The following MRPL49 variants were observed in gnomAD, a reference collection of about 807,000 sequenced individuals.
The protein encoded by MRPL49 is mitochondrial ribosomal protein L49.
Under a neutral mutation model 18.4 loss-of-function variants are expected in MRPL49, and 14 were observed. The ratio of observed to expected loss-of-function variants is 0.76; its 90% CI spans 0.50 to 1.19. The LOEUF is 1.19. Among genes scored for constraint, MRPL49 ranks in the 50% most tolerant of loss-of-function variants. The pLI is 0.00. For synonymous variants in MRPL49, 104 were observed against 86.2 expected (o/e 1.21, Z -1.14); for missense variants, 190 against 217.8 (o/e 0.87, Z 0.80).
chr11:65,122,316 C>G (rs752039467), upstream of MRPL49: 8 of 1,606,518 alleles, frequency 5.0e-6, no homozygotes, highest in South Asian at 2.2e-5. Flanking sequence ...CAGACAGTTG[C>G]GCGCACAGAA....
chr11:65,122,404 G>C lies in MRPL49; in HGVS notation c.58G>C (p.Gly20Arg). 6.2e-7 allele frequency: 1 copy of C among 1,613,094 alleles called. No homozygotes were observed. The highest frequency in any genetic ancestry group is 8.5e-7 in the Non-Finnish European group (1 of 1,179,628). Residue 20 changes from glycine (G) to arginine (R), a missense_variant, in exon 1 of 4, where the codon GGC becomes CGC. Physicochemically the swap from Gly to Arg is moderately radical, Grantham distance 125. Coordinates refer to ENST00000279242, the MANE Select transcript of MRPL49 (RefSeq NM_004927.4). ...GGGATGGAGAACCGGTGTCCAGCGG[G>C]GCTGCGGGCTACGGCTGTTGGTGAG... is the stretch of plus-strand genomic sequence containing the variant. ...LRGWRTGVQRGCGLRLLSQTQ... is the reference protein window; with the variant it reads ...LRGWRTGVQRRCGLRLLSQTQ...
chr11:65,125,472 T>C lies in MRPL49; in HGVS notation c.230-16T>C. 1 of 1,613,272 alleles carries C rather than the reference T, an allele frequency of 6.2e-7. No individual in the cohort carries two copies. Among genetic ancestry groups the C allele is most frequent in the Non-Finnish European group, 8.5e-7 (1 of 1,179,688 alleles). On this transcript the variant is annotated splice_polypyrimidine_tract_variant and intron_variant, in intron 2 of 3. Coordinates refer to ENST00000279242, the MANE Select transcript of MRPL49 (RefSeq NM_004927.4). ...CGTAGGAAGAGTTGATTTAACAGTG[T>C]CTTTCCCTGTTGCAGACCCCCCACC...
At chr11:65,124,875 C>A in intron 2 of MRPL49, 1 of 468,504 alleles carries the variant, frequency 2.1e-6, no homozygotes, top group South Asian at 4.3e-5. Flanking sequence ...CAGGTCTTCC[C>A]CATATGGGGG....
At position 65,124,617 on chromosome 11, in the gene MRPL49, A is replaced by AT; in HGVS notation, c.196dup (p.Tyr66LeufsTer5). The AT allele has an allele frequency of 6.2e-7, 1 of 1,614,168 alleles. No individual in the cohort carries two copies. The highest frequency in any genetic ancestry group is 8.5e-7 in the Non-Finnish European group (1 of 1,180,030). ...ATCCCAGATCCCCCAAAGCATGAAC[A>AT]TTATCCTACCCCTAGTGGCTGGCAG... On this transcript the variant is annotated frameshift_variant, in exon 2 of 4. Transcript: ENST00000279242. LOFTEE classifies it high-confidence loss of function.
intron 2 of MRPL49, 40 bp from the exon 3 acceptor site, chr11:65,125,448 G>T: frequency 6.2e-7 from 1 of 1,611,616 alleles, no homozygotes; most frequent in South Asian, 1.1e-5. Context: ...GGGATGGCAC[G>T]TAGGAAGAGT....
intron 2 of MRPL49, chr11:65,124,893 A>G (rs1948085745): frequency 9.3e-6 from 4 of 429,546 alleles, no homozygotes; most frequent in Admixed American, 4.0e-5. Flanking sequence ...GGGAAAGTAA[A>G]CAACAGAGAG....
In MRPL49 at chr11:65,126,061, T is replaced by C; in HGVS notation, c.*189T>C. 5.0e-6 allele frequency: 3 copies of C among 600,368 alleles called. No homozygotes were observed. The South Asian group carries it at 7.7e-5, about 15-fold the overall frequency. 37.2% of individuals were successfully genotyped at this position (600,368 alleles called of 1,614,324 possible). On this transcript the variant is annotated 3_prime_UTR_variant, in exon 4 of 4. Coordinates refer to ENST00000279242, the MANE Select transcript of MRPL49 (RefSeq NM_004927.4). ...TATGTACATGCTGGGGGAGAGTGCC[T>C]AATGTGGGAGACCAAATAGGGATCA...
chr11:65,127,123 CT>C lies in MRPL49; in HGVS notation c.*1253del. 1.5e-6 allele frequency: 1 copy of C among 689,124 alleles called. No individual in the cohort carries two copies. The highest frequency in any genetic ancestry group is 1.5e-5 in the South Asian group (1 of 65,304). The allele number at this position is 689,124 out of a possible 1,614,324, so 42.7% of individuals were successfully genotyped here. A position where few individuals can be genotyped will look rare whatever the true frequency, so the allele number is the denominator to read the frequency against. On this transcript the variant is annotated 3_prime_UTR_variant, in exon 4 of 4. Coordinates refer to ENST00000279242, the MANE Select transcript of MRPL49 (RefSeq NM_004927.4). ...TTCTCTGTGTGTAAAATGGGCACAT[CT>C]TCCTAATCTGTTAATGGTCAGTGGT...
At position 65,125,776 on chromosome 11, in the gene MRPL49, A is replaced by G. The variant is rs1165767246; in HGVS notation, c.405A>G (p.Thr135=). ...EDFLSPLLGK[T]PVTQVNEVTG... The stretch of plus-strand genomic sequence containing the variant: ...TTCTGAGCCCGCTGCTGGGGAAGAC[A>G]CCTGTCACCCAGGTCAATGAGGTGA... Residue 135 remains threonine, a synonymous_variant, in exon 4 of 4, where the codon ACA becomes ACG. Coordinates refer to ENST00000279242, the MANE Select transcript of MRPL49 (RefSeq NM_004927.4). 6.8e-6 allele frequency: 11 copies of G among 1,613,432 alleles called. No homozygotes were observed. The highest frequency in any genetic ancestry group is 9.3e-6 in the Non-Finnish European group (11 of 1,179,966).
In MRPL49 at chr11:65,126,747, G is replaced by C. The variant is rs550424396; in HGVS notation, c.*875G>C. The C allele has an allele frequency of 6.1e-6, 3 of 491,384 alleles. No homozygotes were observed. The East Asian group carries it at 1.0e-4, about 17-fold the overall frequency. 30.4% of individuals were successfully genotyped at this position (491,384 alleles called of 1,614,324 possible). A position where few individuals can be genotyped will look rare whatever the true frequency, so the allele number is the denominator to read the frequency against. On this transcript the variant is annotated 3_prime_UTR_variant, in exon 4 of 4. Transcript: ENST00000279242. ...CCCACGTTAGCCCCGGGCTCTGATA[G>C]AGAGGTAGGAGGCACGTTCTTGGTC...
In MRPL49 at chr11:65,124,524, A is replaced by AT. The variant is rs763840262; in HGVS notation, c.103dup (p.Tyr35LeufsTer10). 2 of 1,614,076 alleles carry AT rather than the reference A, an allele frequency of 1.2e-6. No homozygotes were observed. Among genetic ancestry groups the AT allele is most frequent in the Admixed American group, 3.3e-5 (2 of 60,016 alleles). Reference sequence around the variant, plus strand: ...CAGAGCCAGACCCAGGGCCCTCCAGATTACCCCAGGTTTGTGGAGTCTGTG... The same window carrying AT: ...CAGAGCCAGACCCAGGGCCCTCCAGATTTACCCCAGGTTTGTGGAGTCTGTG... On this transcript the variant is annotated frameshift_variant, in exon 2 of 4. Coordinates refer to ENST00000279242, the MANE Select transcript of MRPL49 (RefSeq NM_004927.4). LOFTEE classifies it high-confidence loss of function.
Position 65,127,299 on chromosome 11 carries a change from T to G in MRPL49, c.*1427T>G. 1 of 459,612 alleles carries G rather than the reference T, an allele frequency of 2.2e-6. No individual in the cohort carries two copies. The highest frequency in any genetic ancestry group is 2.0e-5 in the African/African-American group (1 of 49,862). The allele number at this position is 459,612 out of a possible 1,614,324, so 28.5% of individuals were successfully genotyped here. ...ACCAATTGTTAATGCAAGTTTTTATTTGGCTGTATATACAATTTAAGCTAT... is the reference window on the plus strand; with the variant it reads ...ACCAATTGTTAATGCAAGTTTTTATGTGGCTGTATATACAATTTAAGCTAT... On this transcript the variant is annotated 3_prime_UTR_variant, in exon 4 of 4. Coordinates refer to ENST00000279242, the MANE Select transcript of MRPL49 (RefSeq NM_004927.4).
At position 65,122,345 on chromosome 11, in the gene MRPL49, A is replaced by G. The variant is rs1484110048; in HGVS notation, c.-2A>G. The G allele has an allele frequency of 6.2e-6, 10 of 1,612,226 alleles. No individual in the cohort carries two copies. Among genetic ancestry groups the G allele is most frequent in the Non-Finnish European group, 8.5e-6 (10 of 1,179,412 alleles). On this transcript the variant is annotated 5_prime_UTR_variant, in exon 1 of 4. Coordinates refer to ENST00000279242, the MANE Select transcript of MRPL49 (RefSeq NM_004927.4). ...CACAGAAGGCTGGCGTAGCAGGTAA[A>G]GATGGCAGCTACCATGTTCCGGGCT...
chr11:65,126,120 CCCT>C lies in MRPL49; in HGVS notation c.*252_*254del, dbSNP rs959909526. 4.5e-6 allele frequency: 2 copies of C among 445,114 alleles called. No homozygotes were observed. The highest frequency in any genetic ancestry group is 8.0e-6 in the Non-Finnish European group (2 of 250,722). The allele number at this position is 445,114 out of a possible 1,614,324, so 27.6% of individuals were successfully genotyped here. On this transcript the variant is annotated 3_prime_UTR_variant, in exon 4 of 4. Transcript: ENST00000279242. ...ATGGGGGGCGTCAGCAGCTTTCTCT[CCCT>C]CCTATCTTGGCCTGTTCTTTTTTGT...
upstream of MRPL49, chr11:65,122,221 G>T: frequency 2.9e-6 from 3 of 1,027,380 alleles, no homozygotes; most frequent in Non-Finnish European, 2.9e-6. Flanking sequence ...TATTTGTACC[G>T]CCCAAGGCAG....
At chr11:65,124,377 C>T (rs954390128) in intron 1 of MRPL49, 125 bp from the exon 2 acceptor site, 17 of 973,492 alleles carry the variant, frequency 1.7e-5, no homozygotes, top group Admixed American at 2.5e-5. Context: ...GCTTTCACAC[C>T]GTCGCCCAGC....
In MRPL49 at chr11:65,123,562, C is replaced by T. The variant is rs950107794; in HGVS notation, c.79-940C>T. The stretch of plus-strand genomic sequence containing the variant: ...CAAGCCTGGCCAACATGGTGAAACC[C>T]GTCTCTAGAAAAAATACAAAAATTA... On this transcript the variant is annotated intron_variant, in intron 1 of 3. Transcript: ENST00000279242. Among the ~76,000 whole-genome samples the T allele has an allele frequency of 5.9e-5, 9 of 152,176 alleles. No individual in the cohort carries two copies. The South Asian group carries it at 6.2e-4, about 11-fold the overall frequency.
In MRPL49 at chr11:65,125,468, AGT is replaced by A. The variant is rs749869325; in HGVS notation, c.230-17_230-16del. 1.2e-6 allele frequency: 2 copies of A among 1,612,766 alleles called. No homozygotes were observed. Among genetic ancestry groups the A allele is most frequent in the African/African-American group, 1.3e-5 (1 of 74,950 alleles). Reference sequence around the variant, plus strand: ...GGCACGTAGGAAGAGTTGATTTAACAGTGTCTTTCCCTGTTGCAGACCCCCCA... The same window carrying A: ...GGCACGTAGGAAGAGTTGATTTAACAGTCTTTCCCTGTTGCAGACCCCCCA... On this transcript the variant is annotated intron_variant, in intron 2 of 3. Coordinates refer to ENST00000279242, the MANE Select transcript of MRPL49 (RefSeq NM_004927.4).
intron 1 of MRPL49, among the ~76,000 whole-genome samples, chr11:65,123,763 G>GA (rs777781371): frequency 6.6e-6 from 1 of 152,108 alleles, no homozygotes; most frequent in East Asian, 1.9e-4. Flanking sequence ...TAAAGGAAAG[G>GA]AAAAATGAGT....
Sources: allele counts gnomAD v4.1 joint callset (sites outside exome capture counted in the v4.1 genomes callset), GRCh38; gene constraint gnomAD v4.1.1; transcripts MANE v1.5; gene names NCBI Gene and HGNC (gene_info 2026-07-23, HGNC 2026-07-21).